Variants in TMEM132B observed in about 807,000 individuals in gnomAD.
The protein encoded by TMEM132B is transmembrane protein 132B.
Under a neutral mutation model 90.8 loss-of-function variants are expected in TMEM132B, and 18 were observed. That is an observed-to-expected ratio of 0.20 (90% confidence interval 0.14 to 0.29). TMEM132B has a LOEUF of 0.29. TMEM132B is among the 10% of genes least tolerant of loss of function. TMEM132B has a pLI of 1.00. For synonymous variants in TMEM132B, 504 were observed against 523.3 expected, an observed-to-expected ratio of 0.96 and a Z score of 0.50; for missense variants, 1,096 against 1,326.8, an observed-to-expected ratio of 0.83 and a Z score of 2.70.
At chr12:125,567,055 G>T (rs1423048744) in intron 4 of TMEM132B, among the ~76,000 whole-genome samples, 1 of 151,942 alleles carries the variant, frequency 6.6e-6, no homozygotes, top group African/African-American at 2.4e-5. Context: ...TGTAGGCCAG[G>T]CTGGTCTTGA....
intron 3 of TMEM132B, among the ~76,000 whole-genome samples, chr12:125,489,824 G>A (rs1459760030): frequency 6.6e-6 from 1 of 152,128 alleles, no homozygotes; most frequent in Admixed American, 6.5e-5. Flanking sequence ...AAAGGGAGAG[G>A]TAGCCAGTTT....
At chr12:125,437,503 C>A (rs1214877691) in intron 3 of TMEM132B, among the ~76,000 whole-genome samples, 1 of 152,324 alleles carries the variant, frequency 6.6e-6, no homozygotes. Context: ...TATTGAGGAA[C>A]TGCCAAACTG....
chr12:125,472,777 G>A (rs1394333702), intron 3 of TMEM132B, among the ~76,000 whole-genome samples: 1 of 152,140 alleles, frequency 6.6e-6, no homozygotes, highest in Non-Finnish European at 1.5e-5. Context: ...GCCCTCTGGA[G>A]ACACCAAGTC....
chr12:125,354,958 C>CT (rs1877719488), intron 2 of TMEM132B, among the ~76,000 whole-genome samples: 1 of 152,052 alleles, frequency 6.6e-6, no homozygotes, highest in South Asian at 2.1e-4. Flanking sequence ...AACTGCGACT[C>CT]TGAGAGGTGA....
intron 1 of TMEM132B, among the ~76,000 whole-genome samples, chr12:125,230,764 A>G (rs895614350): frequency 1.3e-4 from 20 of 151,848 alleles, no homozygotes; most frequent in African/African-American, 4.8e-4. Context: ...TCGGCCTCGC[A>G]AAGTGCTGGG....
chr12:125,501,518 G>C (rs1020970180), intron 3 of TMEM132B, among the ~76,000 whole-genome samples: 3 of 152,090 alleles, frequency 2.0e-5, no homozygotes, highest in Admixed American at 2.0e-4. Flanking sequence ...TTTTCCTGAT[G>C]GTCTCCCTTT....
chr12:125,494,152 C>T (rs1490025917), intron 3 of TMEM132B, among the ~76,000 whole-genome samples: 1 of 143,864 alleles, frequency 7.0e-6, no homozygotes, highest in Admixed American at 6.8e-5. Context: ...CCCCTCCTCT[C>T]CTTCCTCCCT....
In TMEM132B at chr12:125,345,608, A is replaced by C. The variant is rs1877332459; in HGVS notation, c.68-3844A>C. On this transcript the variant is annotated intron_variant, in intron 1 of 8. Transcript: ENST00000682704. The stretch of plus-strand genomic sequence containing the variant: ...CTGTCTTTAGGGCTTCCTTGGAGCC[A>C]TCTGCCATTGGTATTTTGAGTCGGA... Among the ~76,000 whole-genome samples the C allele has an allele frequency of 3.9e-5, 6 of 152,278 alleles. No individual in the cohort carries two copies. In the South Asian group the frequency reaches 1.2e-3, roughly 32 times the overall value.
intron 1 of TMEM132B, among the ~76,000 whole-genome samples, chr12:125,237,604 A>G (rs377749668): frequency 6.6e-6 from 1 of 151,804 alleles, no homozygotes; most frequent in East Asian, 1.9e-4. Context: ...GCCCACCACC[A>G]CGCCCAGCTA....
chr12:125,476,062 G>A (rs981844570), intron 3 of TMEM132B, among the ~76,000 whole-genome samples: 5 of 152,130 alleles, frequency 3.3e-5, no homozygotes, highest in Non-Finnish European at 7.3e-5. Context: ...GGGAAGCCGG[G>A]TAGCCAAAAA....
At chr12:125,313,297 C>T (rs919064569) in intron 1 of TMEM132B, among the ~76,000 whole-genome samples, 1 of 152,128 alleles carries the variant, frequency 6.6e-6, no homozygotes, top group South Asian at 2.1e-4. Context: ...AATCTGTGTC[C>T]AGTCAGATAG....
At chr12:125,279,318 G>A (rs1261701652) in intron 1 of TMEM132B, among the ~76,000 whole-genome samples, 1 of 152,218 alleles carries the variant, frequency 6.6e-6, no homozygotes, top group Non-Finnish European at 1.5e-5. Flanking sequence ...CTGCTTACAG[G>A]GTTGACCTTT....
intron 3 of TMEM132B, among the ~76,000 whole-genome samples, chr12:125,433,049 G>A (rs919068359): frequency 2.6e-5 from 4 of 152,188 alleles, no homozygotes; most frequent in African/African-American, 4.8e-5. Context: ...AGCAAGTGTC[G>A]GAGCAGACAC....
At chr12:125,469,588 A>T (rs1008516487) in intron 3 of TMEM132B, among the ~76,000 whole-genome samples, 2 of 152,310 alleles carry the variant, frequency 1.3e-5, no homozygotes, top group East Asian at 3.9e-4. Context: ...ATGAGATCAC[A>T]TGAGGTCACA....
chr12:125,382,806 T>C (rs1388426358), intron 2 of TMEM132B, among the ~76,000 whole-genome samples: 1 of 152,136 alleles, frequency 6.6e-6, no homozygotes, highest in Non-Finnish European at 1.5e-5. Context: ...CTTTGTAAAG[T>C]TGTGGGTGTT....
At chr12:125,256,440 A>T (rs1455453288) in intron 1 of TMEM132B, among the ~76,000 whole-genome samples, 1 of 152,206 alleles carries the variant, frequency 6.6e-6, no homozygotes, top group Admixed American at 6.5e-5. Flanking sequence ...TGAGATTTGC[A>T]AAGTAGGGTC....
intron 1 of TMEM132B, among the ~76,000 whole-genome samples, chr12:125,332,807 C>T (rs1876826089): frequency 6.6e-6 from 1 of 151,878 alleles, no homozygotes; most frequent in African/African-American, 2.4e-5. Flanking sequence ...TTAGTTTTTC[C>T]TTTCTTTAGT....
chr12:125,301,138 G>A (rs1875813984), intron 1 of TMEM132B: 1 of 151,928 alleles, frequency 6.6e-6, no homozygotes, highest in South Asian at 2.1e-4. Flanking sequence ...TCTCATAAAA[G>A]CTGACATTTG....
At chr12:125,272,772 A>G (rs1177294438) in intron 1 of TMEM132B, among the ~76,000 whole-genome samples, 1 of 152,204 alleles carries the variant, frequency 6.6e-6, no homozygotes, top group Non-Finnish European at 1.5e-5. Context: ...CACATCAGGG[A>G]TTAATTTAAC....
Sources: gnomAD v4.1 joint callset for allele counts (sites outside exome capture counted in the v4.1 genomes callset) on GRCh38, gnomAD v4.1.1 for gene constraint, MANE v1.5 for transcripts, NCBI Gene and HGNC (gene_info 2026-07-23, HGNC 2026-07-21) for gene names.